The following RXFP2 variants were observed in gnomAD, a reference collection of about 807,000 sequenced individuals.
RXFP2 encodes the protein relaxin receptor 2.
Under a neutral mutation model 88.6 loss-of-function variants are expected in RXFP2, and 68 were observed. The observed-to-expected ratio is 0.77, with a 90% CI of 0.63 to 0.94. The LOEUF is 0.94. Among genes scored for constraint, RXFP2 ranks in the 40% least tolerant of loss-of-function variants. The probability of loss-of-function intolerance (pLI) is 0.00; values close to 1 mark genes in which losing one functional copy is unlikely to be tolerated. For synonymous variants in RXFP2, 329 were observed against 306.8 expected (o/e 1.07, Z -0.76); for missense variants, 791 against 893.9 (o/e 0.88, Z 1.47).
intron 7 of RXFP2, among the ~76,000 whole-genome samples, chr13:31,776,226 C>CTTCCTTT (rs1872969933): frequency 7.5e-6 from 1 of 132,916 alleles, no homozygotes; most frequent in Admixed American, 7.8e-5. Flanking sequence ...GCTTGCTTGC[C>CTTCCTTT]TTCCTTTTTT....
chr13:31,789,914 G>A (rs1362895621), intron 14 of RXFP2, among the ~76,000 whole-genome samples: 2 of 152,174 alleles, frequency 1.3e-5, no homozygotes, highest in Admixed American at 6.5e-5. Flanking sequence ...TAAAAGACAA[G>A]TGTTTGATGC....
chr13:31,774,536 G>T (rs1872859041), intron 5 of RXFP2, 84 bp from the exon 6 acceptor site: 8 of 795,246 alleles, frequency 1.0e-5, no homozygotes, highest in South Asian at 9.5e-5. Flanking sequence ...TTGTCTTCAG[G>T]TAAAGAAAGT....
chr13:31,765,831 A>G, intron 4 of RXFP2, 125 bp from the exon 5 acceptor site: 3 of 635,612 alleles, frequency 4.7e-6, no homozygotes, highest in Non-Finnish European at 5.7e-6. Context: ...AGTTATTGTC[A>G]TGTTCAAATA....
Position 31,761,809 on chromosome 13 carries a change from G to A in RXFP2, c.319+8G>A, listed in dbSNP as rs773421766. The A allele has an allele frequency of 3.8e-6, 6 of 1,589,878 alleles. No individual in the cohort carries two copies. Among genetic ancestry groups the A allele is most frequent in the Non-Finnish European group, 5.2e-6 (6 of 1,158,298 alleles). Reference sequence around the variant, plus strand: ...CCTTAACACAGGAGTGCTGTAAGTGGTTTTGATTCAAAGACAGTATCAGCT... The same window carrying A: ...CCTTAACACAGGAGTGCTGTAAGTGATTTTGATTCAAAGACAGTATCAGCT... On this transcript the variant is annotated splice_region_variant and intron_variant, in intron 3 of 17. Coordinates refer to ENST00000298386, the MANE Select transcript of RXFP2 (RefSeq NM_130806.5).
At position 31,787,189 on chromosome 13, in the gene RXFP2, A is replaced by G. The variant is rs7990647; in HGVS notation, c.1073+552A>G. ...CTTTGAACTTCATGATTTCTTTCCA[A>G]TGGATGGCAATTGCTGGCTAAAGGT... On this transcript the variant is annotated intron_variant, in intron 13 of 17. Coordinates refer to ENST00000298386, the MANE Select transcript of RXFP2 (RefSeq NM_130806.5). Among the ~76,000 whole-genome samples the G allele has an allele frequency of 6.9e-3, 1,053 of 152,312 alleles. 12 individuals carry two copies. Among genetic ancestry groups the G allele is most frequent in the African/African-American group, 0.024 (998 of 41,574 alleles).
intron 4 of RXFP2, 138 bp downstream of exon 4, chr13:31,765,280 A>C: frequency 1.5e-6 from 1 of 654,044 alleles, no homozygotes; most frequent in Non-Finnish European, 2.8e-6. Context: ...AGAATTCTCC[A>C]TGCTTCCTAT....
chr13:31,781,577 G>T (rs1045789191), intron 9 of RXFP2, 94 bp from the exon 10 acceptor site: 14 of 887,106 alleles, frequency 1.6e-5, no homozygotes, highest in Middle Eastern at 3.2e-4. Flanking sequence ...CTGGAATGAA[G>T]TAAAAATAAA....
intron 9 of RXFP2, among the ~76,000 whole-genome samples, chr13:31,779,415 G>C (rs1873160988): frequency 6.6e-6 from 1 of 152,088 alleles, no homozygotes. Flanking sequence ...TAAATTCTGG[G>C]AAGGCAGAAA....
chr13:31,767,326 A>G (rs1322692172), intron 5 of RXFP2, among the ~76,000 whole-genome samples: 1 of 152,168 alleles, frequency 6.6e-6, no homozygotes, highest in Non-Finnish European at 1.5e-5. Flanking sequence ...ATCCTAAAGT[A>G]TGTGGGTATG....
intron 3 of RXFP2, among the ~76,000 whole-genome samples, chr13:31,764,243 TCACACACACACACACACA>T (rs56132108): frequency 2.4e-4 from 31 of 131,772 alleles, no homozygotes; most frequent in African/African-American, 8.3e-4. Flanking sequence ...TCTCTCTCTT[TCACACACACACACACACA>T]CACACACACA....
chr13:31,761,692 A>G lies in RXFP2; in HGVS notation c.242-32A>G, dbSNP rs565347402. On this transcript the variant is annotated intron_variant, in intron 2 of 17. Coordinates refer to ENST00000298386, the MANE Select transcript of RXFP2 (RefSeq NM_130806.5). ...TGTCAGATGGTATTTAGTTTCTAGA[A>G]TAAGTGACACATCTCAATCACTATT... The G allele has an allele frequency of 1.1e-4, 165 of 1,457,480 alleles. No homozygotes were observed. In the South Asian group the frequency reaches 1.7e-3, roughly 15 times the overall value. The allele number at this position is 1,457,480 out of a possible 1,614,324, so 90.3% of individuals were successfully genotyped here. A position where few individuals can be genotyped will look rare whatever the true frequency, so the allele number is the denominator to read the frequency against.
At chr13:31,795,221 C>T (rs1873972966) in intron 16 of RXFP2, among the ~76,000 whole-genome samples, 1 of 151,632 alleles carries the variant, frequency 6.6e-6, no homozygotes, top group Admixed American at 6.6e-5. Context: ...GCCATCTCGG[C>T]TCCCTGCAAC....
intron 9 of RXFP2, among the ~76,000 whole-genome samples, chr13:31,780,764 G>A (rs1001306912): frequency 6.6e-6 from 1 of 152,196 alleles, no homozygotes; most frequent in Non-Finnish European, 1.5e-5. Context: ...GGATGCCACT[G>A]ACCTGCAGAA....
chr13:31,741,801 A>G (rs1290347758), intron 1 of RXFP2, among the ~76,000 whole-genome samples: 2 of 152,196 alleles, frequency 1.3e-5, no homozygotes, highest in African/African-American at 2.4e-5. Flanking sequence ...TTTTTAAAAA[A>G]CATTTCTTAA....
At chr13:31,768,657 T>C (rs752073748) in intron 5 of RXFP2, among the ~76,000 whole-genome samples, 2 of 152,164 alleles carry the variant, frequency 1.3e-5, no homozygotes, top group Non-Finnish European at 2.9e-5. Context: ...ACCCAGTAAG[T>C]AAACTTTGAT....
At position 31,759,444 on chromosome 13, in the gene RXFP2, A is replaced by G. The variant is rs533740593; in HGVS notation, c.241+1040A>G. Among the ~76,000 whole-genome samples, 40 of 113,898 alleles carry G rather than the reference A, an allele frequency of 3.5e-4. No individual in the cohort carries two copies. The Middle Eastern group carries it at 0.012, about 35-fold the overall frequency. 74.7% of individuals were successfully genotyped at this position (113,898 alleles called of 152,430 possible). A position where few individuals can be genotyped will look rare whatever the true frequency, so the allele number is the denominator to read the frequency against. On this transcript the variant is annotated intron_variant, in intron 2 of 17. Transcript: ENST00000298386. ...AAGAAAGAAAGAAAGAAAGAAAGAA[A>G]GATACTGTGAAATATTCTGGAGGGG...
chr13:31,751,031 T>A (rs1215716475), intron 1 of RXFP2, among the ~76,000 whole-genome samples: 1 of 152,170 alleles, frequency 6.6e-6, no homozygotes, highest in Non-Finnish European at 1.5e-5. Context: ...GGCTCATGCC[T>A]GTAATCCCAG....
At chr13:31,796,143 G>A (rs1482548109) in intron 16 of RXFP2, among the ~76,000 whole-genome samples, 21 of 141,178 alleles carry the variant, frequency 1.5e-4, no homozygotes, top group Admixed American at 2.2e-4. Flanking sequence ...TCCGCTTCCC[G>A]GGTTCACGCC....
rs142256952 is a variant in RXFP2 at position 31,766,314 on chromosome 13, T to G, written c.497+287T>G. The stretch of plus-strand genomic sequence containing the variant: ...AGTTCCATTATTTTCCTCAAGATAT[T>G]GGGAAAATGACATTGCAGATTCAGA... On this transcript the variant is annotated intron_variant, in intron 5 of 17. Coordinates refer to ENST00000298386, the MANE Select transcript of RXFP2 (RefSeq NM_130806.5). 4.6e-3 allele frequency among the ~76,000 whole-genome samples: 695 copies of G among 152,026 alleles called. 3 individuals carry two copies. Among genetic ancestry groups the G allele is most frequent in the African/African-American group, 0.016 (652 of 41,462 alleles).
Sources: allele counts gnomAD v4.1 joint callset (sites outside exome capture counted in the v4.1 genomes callset), GRCh38; gene constraint gnomAD v4.1.1; transcripts MANE v1.5; gene names NCBI Gene and HGNC (gene_info 2026-07-23, HGNC 2026-07-21).